The following TTC21B variants were observed in gnomAD, a reference collection of about 807,000 sequenced individuals.
The protein encoded by TTC21B is tetratricopeptide repeat domain 21B.
A neutral mutation model predicts 175.1 loss-of-function variants in TTC21B; 127 were observed. The observed-to-expected ratio is 0.73, with a 90% CI of 0.63 to 0.84. The LOEUF is 0.84. Ranked by LOEUF, TTC21B falls within the 40% of genes least tolerant of loss-of-function variation. The probability of loss-of-function intolerance (pLI) is 0.00; values close to 1 mark genes in which losing one functional copy is unlikely to be tolerated. For missense variants in TTC21B, 1,561 were observed against 1,558.3 expected (o/e 1.00, Z -0.03); for synonymous variants, 524 against 524.5 (o/e 1.00, Z 0.01).
chr2:165,896,592 C>T (rs896450011), intron 22 of TTC21B, among the ~76,000 whole-genome samples: 7 of 152,152 alleles, frequency 4.6e-5, no homozygotes, highest in African/African-American at 1.7e-4. Flanking sequence ...TGATGTAGGC[C>T]AGTGAGGGAG....
intron 22 of TTC21B, among the ~76,000 whole-genome samples, chr2:165,895,389 A>C (rs1685329842): frequency 6.6e-6 from 1 of 152,322 alleles, no homozygotes; most frequent in Non-Finnish European, 1.5e-5. Context: ...AGACACATGA[A>C]GACTTCTTCA....
Position 165,913,450 on chromosome 2 carries a change from T to G in TTC21B, c.2211+124A>C, listed in dbSNP as rs575564925. 5.9e-6 allele frequency: 4 copies of G among 682,910 alleles called. No homozygotes were observed. In the South Asian group the frequency reaches 7.3e-5, roughly 13 times the overall value. 42.3% of individuals were successfully genotyped at this position (682,910 alleles called of 1,614,324 possible). A position where few individuals can be genotyped will look rare whatever the true frequency, so the allele number is the denominator to read the frequency against. ...ATCCTTTAAAATGGATATCTCCCTT[T>G]TACTGTGATGGCTGGATCTTCAAAT... On this transcript the variant is annotated intron_variant, in intron 16 of 28. Transcript: ENST00000243344.
intron 25 of TTC21B, among the ~76,000 whole-genome samples, chr2:165,885,639 G>A (rs1243691129): frequency 6.6e-6 from 1 of 152,184 alleles, no homozygotes; most frequent in Non-Finnish European, 1.5e-5. Context: ...CTAAGAGGAG[G>A]AGGGTCCTAT....
intron 24 of TTC21B, among the ~76,000 whole-genome samples, chr2:165,889,717 TCTC>T (rs1327021182): frequency 1.3e-5 from 2 of 152,278 alleles, no homozygotes; most frequent in African/African-American, 4.8e-5. Context: ...CCATGCATCT[TCTC>T]CTGAATACTA....
rs1559066962 is a variant in TTC21B, at chr2:165,930,308, A to C, written c.951T>G (p.Phe317Leu). 1 of 1,613,118 alleles carries C rather than the reference A, an allele frequency of 6.2e-7. No individual in the cohort carries two copies. The highest frequency in any genetic ancestry group is 2.2e-5 in the East Asian group (1 of 44,832). ...ATTCTGATTGCTGAGGGTTTAAACT[A>C]AAAGCTCTCTCAAGTAACGTTTGAA... Reference protein sequence around the residue: ...QKIQTLLERAFSLNPQQSEFA... With the variant: ...QKIQTLLERALSLNPQQSEFA... The change falls in exon 9 of 29, where the codon TTT (phenylalanine) becomes TTG (leucine). Residue 317 changes from phenylalanine to leucine, a missense_variant. Coordinates refer to ENST00000243344, the MANE Select transcript of TTC21B (RefSeq NM_024753.5).
intron 22 of TTC21B, among the ~76,000 whole-genome samples, chr2:165,895,635 C>G (rs551080251): frequency 6.6e-6 from 1 of 151,938 alleles, no homozygotes; most frequent in South Asian, 2.1e-4. Context: ...CAGTGTGGAA[C>G]ACAAGGTAGA....
intron 11 of TTC21B, among the ~76,000 whole-genome samples, chr2:165,927,460 C>A (rs2105340908): frequency 6.8e-6 from 1 of 147,634 alleles, no homozygotes; most frequent in African/African-American, 2.5e-5. Context: ...ATCACCCAAC[C>A]ATGCTCTATT....
In TTC21B at chr2:165,953,742, T is replaced by C. The variant is rs772529629; in HGVS notation, c.-37A>G. ...GGCCGGGCCGCGGGGCTCTGGGGAT[T>C]GTCTCGCCGCAGCCTAAAGGAAGAC... On this transcript the variant is annotated 5_prime_UTR_variant, in exon 1 of 29. Coordinates refer to ENST00000243344, the MANE Select transcript of TTC21B (RefSeq NM_024753.5). 3.3e-6 allele frequency: 5 copies of C among 1,537,886 alleles called. No individual in the cohort carries two copies. Among genetic ancestry groups the C allele is most frequent in the East Asian group, 2.6e-5 (1 of 38,390 alleles).
intron 7 of TTC21B, 94 bp downstream of exon 7, chr2:165,932,879 G>T: frequency 9.2e-7 from 1 of 1,091,222 alleles, no homozygotes; most frequent in Non-Finnish European, 1.4e-6. Context: ...GAACTTCAAG[G>T]CTTTAATGTA....
chr2:165,919,707 G>A (rs1487541196), intron 12 of TTC21B, among the ~76,000 whole-genome samples: 1 of 152,150 alleles, frequency 6.6e-6, no homozygotes, highest in Non-Finnish European at 1.5e-5. Context: ...TGGTGTTACT[G>A]AGAGGCCAAT....
chr2:165,923,457 T>G (rs7581954), intron 12 of TTC21B, among the ~76,000 whole-genome samples: 19,891 of 150,420 alleles, frequency 0.13, 1,408 homozygotes, highest in East Asian at 0.26. Context: ...TTTTTTTTTT[T>G]TTTTTCCAAG....
At chr2:165,917,770 T>G (rs1395800126) in intron 13 of TTC21B, among the ~76,000 whole-genome samples, 3 of 152,218 alleles carry the variant, frequency 2.0e-5, no homozygotes, top group Non-Finnish European at 4.4e-5. Context: ...AGCAAATACA[T>G]TCTAAGAGAT....
intron 6 of TTC21B, among the ~76,000 whole-genome samples, chr2:165,939,865 T>G (rs1687298416): frequency 6.6e-6 from 1 of 152,116 alleles, no homozygotes. Context: ...GGGACTAGAG[T>G]GCTCTGGATT....
At chr2:165,900,847 T>C (rs1305360152) in intron 20 of TTC21B, among the ~76,000 whole-genome samples, 3 of 152,026 alleles carry the variant, frequency 2.0e-5, no homozygotes, top group Non-Finnish European at 4.4e-5. Flanking sequence ...TGCAGGTTGC[T>C]TTATATTACG....
intron 19 of TTC21B, among the ~76,000 whole-genome samples, chr2:165,906,231 C>T (rs1685726218): frequency 8.0e-6 from 1 of 124,374 alleles, no homozygotes; most frequent in Non-Finnish European, 1.6e-5. Context: ...AAATCCATTA[C>T]CTAACATACT....
At chr2:165,927,199 T>C (rs1686687307) in intron 11 of TTC21B, among the ~76,000 whole-genome samples, 1 of 72,094 alleles carries the variant, frequency 1.4e-5, no homozygotes, top group Non-Finnish European at 2.8e-5. Flanking sequence ...CTAGTAGTTA[T>C]ATATATATAT....
At chr2:165,945,419 A>G in intron 4 of TTC21B, 105 bp downstream of exon 4, 1 of 1,065,770 alleles carries the variant, frequency 9.4e-7, no homozygotes, top group Middle Eastern at 2.8e-4. Flanking sequence ...ACAAACTGGC[A>G]ATAGAGTGAA....
At chr2:165,943,427 A>G in intron 4 of TTC21B, 86 bp from the exon 5 acceptor site, 1 of 1,069,606 alleles carries the variant, frequency 9.3e-7, no homozygotes, top group South Asian at 1.4e-5. Flanking sequence ...TTTTTCTGGC[A>G]ATTAATAACA....
Position 165,917,591 on chromosome 2 carries a change from T to C in TTC21B, c.1675-110A>G, listed in dbSNP as rs3749030. On this transcript the variant is annotated intron_variant, in intron 13 of 28. Coordinates refer to ENST00000243344, the MANE Select transcript of TTC21B (RefSeq NM_024753.5). The stretch of plus-strand genomic sequence containing the variant: ...ATCACTGAGAACAGTCCATCTTTGA[T>C]TGTATGCATGAGGTCTATCTCTGCC... 125,290 of 882,482 alleles carry C rather than the reference T, an allele frequency of 0.14. 9,948 individuals are homozygous for C. The highest frequency in any genetic ancestry group is 0.25 in the East Asian group (9,550 of 38,306). 54.7% of individuals were successfully genotyped at this position (882,482 alleles called of 1,614,324 possible).
Sources: gnomAD v4.1 joint callset for allele counts (sites outside exome capture counted in the v4.1 genomes callset) on GRCh38, gnomAD v4.1.1 for gene constraint, MANE v1.5 for transcripts, NCBI Gene and HGNC (gene_info 2026-07-23, HGNC 2026-07-21) for gene names.